Variants in P4HA1 observed in about 807,000 individuals in gnomAD.
P4HA1 encodes prolyl 4-hydroxylase subunit alpha 1.
In P4HA1, 24 loss-of-function variants were observed where a neutral mutation model predicts 72.8. That is an observed-to-expected ratio of 0.33 (90% CI 0.24 to 0.46). The LOEUF (loss-of-function observed/expected upper bound fraction) is 0.46. Among genes scored for constraint, P4HA1 ranks in the 20% least tolerant of loss-of-function variants. The pLI is 1.00. For synonymous variants in P4HA1, 201 were observed against 218.8 expected, an observed-to-expected ratio of 0.92 and a Z score of 0.72; for missense variants, 446 against 640.6, an observed-to-expected ratio of 0.70 and a Z score of 3.28.
At chr10:73,090,014 T>G (rs1444150531) in intron 1 of P4HA1, among the ~76,000 whole-genome samples, 1 of 152,092 alleles carries the variant, frequency 6.6e-6, no homozygotes, top group Non-Finnish European at 1.5e-5. Context: ...TTAATTTTTT[T>G]GTAGAGACAG....
rs894438500 is a variant in P4HA1 at position 73,073,511 on chromosome 10, G to A, written c.173+220C>T. Reference sequence around the variant, plus strand: ...GCTGGGATTACAGGCATGAGCCACCGCATCCGGCTGGTATCTATCCATATT... The same window carrying A: ...GCTGGGATTACAGGCATGAGCCACCACATCCGGCTGGTATCTATCCATATT... On this transcript the variant is annotated intron_variant, in intron 3 of 14. Transcript: ENST00000394890. Among the ~76,000 whole-genome samples the A allele has an allele frequency of 4.6e-5, 7 of 152,086 alleles. No homozygotes were observed. The East Asian group carries it at 5.8e-4, about 13-fold the overall frequency.
chr10:73,072,267 G>C (rs1173373190), intron 3 of P4HA1, 87 bp from the exon 4 acceptor site: 1 of 1,097,244 alleles, frequency 9.1e-7, no homozygotes, highest in Non-Finnish European at 1.3e-6. Context: ...AAAATGACTA[G>C]AAGTTTTTGA....
rs537895197 is a variant in P4HA1 at position 73,045,873 on chromosome 10, C to CAAAA, written c.1078-826_1078-823dup. Among the ~76,000 whole-genome samples, 264 of 112,336 alleles carry CAAAA rather than the reference C, an allele frequency of 2.4e-3. 7 individuals carry two copies. In the South Asian group the frequency reaches 0.046, roughly 20 times the overall value. 73.7% of individuals were successfully genotyped at this position (112,336 alleles called of 152,430 possible). ...TTGCATTTATAATGTAATCTTTGGCCAAAAAAAAAAAAAACCACCAATTTG... is the reference window on the plus strand; with the variant it reads ...TTGCATTTATAATGTAATCTTTGGCCAAAAAAAAAAAAAAAAAACCACCAATTTG... On this transcript the variant is annotated intron_variant, in intron 8 of 14. Coordinates refer to ENST00000394890, the MANE Select transcript of P4HA1 (RefSeq NM_001017962.3).
intron 1 of P4HA1, among the ~76,000 whole-genome samples, chr10:73,085,386 ATT>A (rs143726385): frequency 1.4e-5 from 2 of 146,606 alleles, no homozygotes; most frequent in African/African-American, 2.5e-5. Context: ...GAACTCAATA[ATT>A]TTTTTTTTTT....
In P4HA1 at chr10:73,073,843, G is replaced by A. The variant is rs2133135489; in HGVS notation, c.77-16C>T. ...GTCATCTGACCTAGAAGGGGAAGAA[G>A]GTTATCAAATACTCATATCCTTCAA... On this transcript the variant is annotated splice_polypyrimidine_tract_variant and intron_variant, in intron 2 of 14. Coordinates refer to ENST00000394890, the MANE Select transcript of P4HA1 (RefSeq NM_001017962.3). 1.6e-6 allele frequency: 2 copies of A among 1,224,018 alleles called. No homozygotes were observed. Among genetic ancestry groups the A allele is most frequent in the South Asian group, 1.2e-5 (1 of 83,166 alleles). 75.8% of individuals were successfully genotyped at this position (1,224,018 alleles called of 1,614,324 possible). A position where few individuals can be genotyped will look rare whatever the true frequency, so the allele number is the denominator to read the frequency against.
chr10:73,072,801 A>C (rs1841595838), intron 3 of P4HA1, among the ~76,000 whole-genome samples: 1 of 152,208 alleles, frequency 6.6e-6, no homozygotes, highest in African/African-American at 2.4e-5. Flanking sequence ...GATAAGTAGA[A>C]TTGGAAAATT....
At chr10:73,042,272 T>C (rs1401302006) in intron 9 of P4HA1, among the ~76,000 whole-genome samples, 1 of 151,952 alleles carries the variant, frequency 6.6e-6, no homozygotes, top group African/African-American at 2.4e-5. Context: ...TATAGTAACG[T>C]TTAAGGTTAA....
chr10:73,010,088 C>T (rs767640981), intron 13 of P4HA1, among the ~76,000 whole-genome samples, 185 bp from the exon 14 acceptor site: 42 of 152,102 alleles, frequency 2.8e-4, no homozygotes, highest in Admixed American at 1.2e-3. Context: ...CCTGCCTCAG[C>T]GTCTCAAATA....
At chr10:73,085,716 T>C (rs1387316318) in intron 1 of P4HA1, among the ~76,000 whole-genome samples, 2 of 152,116 alleles carry the variant, frequency 1.3e-5, no homozygotes, top group East Asian at 3.9e-4. Context: ...AGGATTTGAA[T>C]AGACATTTCT....
intron 10 of P4HA1, among the ~76,000 whole-genome samples, chr10:73,029,666 C>A (rs1174047208): frequency 6.7e-6 from 1 of 150,140 alleles, no homozygotes; most frequent in African/African-American, 2.5e-5. Flanking sequence ...CTATTGAAAC[C>A]AAGTGAGATT....
At chr10:73,023,113 C>G (rs1353911165) in intron 10 of P4HA1, among the ~76,000 whole-genome samples, 2 of 152,166 alleles carry the variant, frequency 1.3e-5, no homozygotes, top group Admixed American at 6.5e-5. Flanking sequence ...CCTAGCAAGG[C>G]AGGCCAACAG....
At chr10:73,057,342 T>G (rs1237961470) in intron 5 of P4HA1, among the ~76,000 whole-genome samples, 2 of 151,448 alleles carry the variant, frequency 1.3e-5, no homozygotes, top group Admixed American at 1.3e-4. Context: ...TACAAAAAAT[T>G]AGCCGGGCGT....
chr10:73,083,916 TAC>T (rs1300493038), intron 1 of P4HA1, among the ~76,000 whole-genome samples: 2 of 152,238 alleles, frequency 1.3e-5, no homozygotes, highest in Admixed American at 6.5e-5. Flanking sequence ...CCTCAACATC[TAC>T]ACTTCTTTGA....
rs1209319045 is a variant in P4HA1 at position 73,091,718 on chromosome 10, G to C, written c.-33+5048C>G. ...TTTTACTGAAGTTCCAAAAATCAAA[G>C]AGCTTTGATTCTTGTAATGGAAATA... On this transcript the variant is annotated intron_variant, in intron 1 of 14. Transcript: ENST00000394890. Among the ~76,000 whole-genome samples the C allele has an allele frequency of 2.6e-5, 4 of 152,234 alleles. No homozygotes were observed. In the East Asian group the frequency reaches 7.7e-4, roughly 29 times the overall value.
At chr10:73,065,195 T>G (rs1217969265) in intron 5 of P4HA1, 1 of 151,604 alleles carries the variant, frequency 6.6e-6, no homozygotes, top group Non-Finnish European at 1.5e-5. Context: ...CATATGACAT[T>G]TTCTATTACT....
intron 8 of P4HA1, among the ~76,000 whole-genome samples, chr10:73,045,632 C>A (rs1840838192): frequency 2.0e-5 from 3 of 151,892 alleles, no homozygotes; most frequent in African/African-American, 7.2e-5. Context: ...TTAAAAACAG[C>A]AAGAAAGAGG....
At chr10:73,017,601 G>T (rs959003952) in intron 10 of P4HA1, among the ~76,000 whole-genome samples, 2 of 151,652 alleles carry the variant, frequency 1.3e-5, no homozygotes, top group African/African-American at 4.9e-5. Context: ...TGCTGAACTC[G>T]CAATCCACTT....
At chr10:73,062,187 G>A (rs918404287) in intron 5 of P4HA1, among the ~76,000 whole-genome samples, 39 of 152,114 alleles carry the variant, frequency 2.6e-4, no homozygotes, top group Admixed American at 2.2e-3. Context: ...TGTTTAAAAC[G>A]TCTGGAGCTT....
chr10:73,055,963 G>A (rs1841138052), intron 5 of P4HA1, among the ~76,000 whole-genome samples: 4 of 152,190 alleles, frequency 2.6e-5, no homozygotes, highest in Admixed American at 2.6e-4. Flanking sequence ...ACCTCCAGAA[G>A]TTTGTGCTCC....
Sources: allele counts gnomAD v4.1 joint callset (sites outside exome capture counted in the v4.1 genomes callset), GRCh38; gene constraint gnomAD v4.1.1; transcripts MANE v1.5; gene names NCBI Gene and HGNC (gene_info 2026-07-23, HGNC 2026-07-21).